The following ITGAV variants were observed in gnomAD, a reference collection of about 807,000 sequenced individuals.
The protein encoded by ITGAV is integrin alpha-V.
ITGAV carries 76 observed loss-of-function variants against 143.8 expected under a neutral mutation model. That is an observed-to-expected ratio of 0.53 (90% CI 0.44 to 0.64). The LOEUF is 0.64. Ranked by LOEUF, ITGAV falls within the 30% of genes least tolerant of loss-of-function variation. The pLI, the probability that ITGAV is intolerant of heterozygous loss-of-function variation, is 0.00. For missense variants in ITGAV, 1,193 were observed against 1,274.7 expected, an observed-to-expected ratio of 0.94 and a Z score of 0.98; for synonymous variants, 453 against 446.7, an observed-to-expected ratio of 1.01 and a Z score of -0.18.
At position 186,666,720 on chromosome 2, in the gene ITGAV, G is replaced by T; in HGVS notation, c.2183G>T (p.Arg728Leu). 6.3e-7 allele frequency: 1 copy of T among 1,576,020 alleles called. No homozygotes were observed. Among genetic ancestry groups the T allele is most frequent in the Non-Finnish European group, 8.6e-7 (1 of 1,164,410 alleles). ...KAGTQLLAGL[R>L]FSVHQQSEMD... is the part of the protein sequence containing the mutation. ...CTCCTTTAGCTCTTAGCTGGTCTTC[G>T]TTTCAGTGTGCACCAGCAGTCAGAG... The change falls in exon 22 of 30, where the codon CGT becomes CTT. Residue 728 changes from arginine (R) to leucine (L), a missense_variant. Transcript: ENST00000261023.
At chr2:186,663,075 G>T (rs185384769) in intron 18 of ITGAV, among the ~76,000 whole-genome samples, 1 of 151,830 alleles carries the variant, frequency 6.6e-6, no homozygotes, top group Non-Finnish European at 1.5e-5. Flanking sequence ...TCTCTTTTGG[G>T]TGTTTCCATT....
chr2:186,616,555 G>A (rs1427730560), intron 2 of ITGAV, among the ~76,000 whole-genome samples: 1 of 152,008 alleles, frequency 6.6e-6, no homozygotes, highest in African/African-American at 2.4e-5. Context: ...TGGGATTACA[G>A]GCGCGAGCCA....
At chr2:186,596,858 T>C (rs913454530) in intron 1 of ITGAV, among the ~76,000 whole-genome samples, 3 of 152,242 alleles carry the variant, frequency 2.0e-5, no homozygotes, top group Admixed American at 6.5e-5. Context: ...ATTGTTCTCT[T>C]TAAAAAACTT....
intron 26 of ITGAV, among the ~76,000 whole-genome samples, chr2:186,671,440 C>G (rs1255012802): frequency 6.6e-6 from 1 of 152,216 alleles, no homozygotes; most frequent in South Asian, 2.1e-4. Flanking sequence ...GCCTGGAATT[C>G]TTTGTCCAGA....
intron 6 of ITGAV, among the ~76,000 whole-genome samples, chr2:186,634,505 G>A (rs1687901518): frequency 6.6e-6 from 1 of 152,092 alleles, no homozygotes; most frequent in African/African-American, 2.4e-5. Context: ...GCTAAAGAAA[G>A]AGATTTGCTG....
chr2:186,656,424 C>A, intron 17 of ITGAV, 23 bp downstream of exon 17: 2 of 1,433,772 alleles, frequency 1.4e-6, no homozygotes, highest in Non-Finnish European at 1.8e-6. Context: ...TTTTCTGCTA[C>A]CTTGTTGTTC....
intron 1 of ITGAV, among the ~76,000 whole-genome samples, chr2:186,592,360 A>G (rs907235643): frequency 6.6e-6 from 1 of 152,174 alleles, no homozygotes; most frequent in African/African-American, 2.4e-5. Flanking sequence ...GATTGCTTGG[A>G]AAGTTGAGGT....
rs1436647985 is a variant in ITGAV, at chr2:186,633,435, T to C, written c.631+61T>C. The C allele has an allele frequency of 3.1e-5, 28 of 907,066 alleles. 1 individual carries two copies. In the Admixed American group the frequency reaches 5.3e-4, roughly 17 times the overall value. 56.2% of individuals were successfully genotyped at this position (907,066 alleles called of 1,614,324 possible). ...ATGTGTCGCTGATTCACCTGGCTAA[T>C]TGTATGCCTATGACATTTTACAAAT... On this transcript the variant is annotated intron_variant, in intron 6 of 29. Transcript: ENST00000261023.
intron 1 of ITGAV, among the ~76,000 whole-genome samples, chr2:186,592,074 A>G (rs2105641555): frequency 6.6e-6 from 1 of 152,318 alleles, no homozygotes; most frequent in Admixed American, 6.5e-5. Flanking sequence ...CAAGGGTTCA[A>G]TGTGAGATAT....
chr2:186,633,030 C>CA (rs1440273915), intron 5 of ITGAV, among the ~76,000 whole-genome samples: 3 of 149,800 alleles, frequency 2.0e-5, no homozygotes, highest in Admixed American at 6.7e-5. Context: ...CATAGACAGA[C>CA]AGACAGATAG....
chr2:186,605,986 T>C (rs1342853847), intron 2 of ITGAV, among the ~76,000 whole-genome samples: 1 of 151,868 alleles, frequency 6.6e-6, no homozygotes, highest in African/African-American at 2.4e-5. Flanking sequence ...TAAGACTTCA[T>C]TTTTTTACAT....
rs59394534 is a variant in ITGAV, at chr2:186,657,953, G to GA, written c.1720-1075dup. Among the ~76,000 whole-genome samples, 37 of 150,418 alleles carry GA rather than the reference G, an allele frequency of 2.5e-4. 1 individual carries two copies. Among genetic ancestry groups the GA allele is most frequent in the Admixed American group, 7.3e-4 (11 of 15,140 alleles). ...CTCAATTTTAAATAGCTCTTTGAAA[G>GA]AAAAAAAAAACCAAAATATTTCAAA... On this transcript the variant is annotated intron_variant, in intron 17 of 29. Coordinates refer to ENST00000261023, the MANE Select transcript of ITGAV (RefSeq NM_002210.5).
At chr2:186,594,116 G>A (rs1453814393) in intron 1 of ITGAV, among the ~76,000 whole-genome samples, 2 of 152,152 alleles carry the variant, frequency 1.3e-5, no homozygotes, top group African/African-American at 4.8e-5. Context: ...TATCTGGAAA[G>A]CCTTTTAAAT....
intron 2 of ITGAV, among the ~76,000 whole-genome samples, chr2:186,613,539 G>T (rs543159022): frequency 4.5e-4 from 69 of 152,088 alleles, no homozygotes; most frequent in African/African-American, 1.6e-3. Flanking sequence ...TAACACTTTT[G>T]CATGTCCATG....
chr2:186,596,281 G>A (rs762222556), intron 1 of ITGAV, among the ~76,000 whole-genome samples: 1 of 152,150 alleles, frequency 6.6e-6, no homozygotes, highest in Admixed American at 6.5e-5. Flanking sequence ...ATTCCAAACT[G>A]TTTCCATTAG....
At chr2:186,661,251 G>A (rs1438600473) in intron 18 of ITGAV, among the ~76,000 whole-genome samples, 1 of 151,882 alleles carries the variant, frequency 6.6e-6, no homozygotes, top group Non-Finnish European at 1.5e-5. Flanking sequence ...TTTGTATTTA[G>A]AATCCATGTA....
intron 17 of ITGAV, among the ~76,000 whole-genome samples, chr2:186,657,467 G>A (rs1483887134): frequency 6.6e-6 from 1 of 152,174 alleles, no homozygotes; most frequent in African/African-American, 2.4e-5. Context: ...GAATTGGGAA[G>A]TGTGATTTTT....
chr2:186,664,385 A>G (rs1416979986), intron 19 of ITGAV, 109 bp from the exon 20 acceptor site: 1 of 1,024,552 alleles, frequency 9.8e-7, no homozygotes, highest in Non-Finnish European at 1.4e-6. Flanking sequence ...ACCTTGAGAC[A>G]CTGTTGAACA....
At position 186,610,772 on chromosome 2, in the gene ITGAV, A is replaced by G. The variant is rs558512277; in HGVS notation, c.316+8621A>G. Among the ~76,000 whole-genome samples the G allele has an allele frequency of 2.6e-5, 4 of 152,296 alleles. No individual in the cohort carries two copies. In the East Asian group the frequency reaches 7.7e-4, roughly 29 times the overall value. On this transcript the variant is annotated intron_variant, in intron 2 of 29. Transcript: ENST00000261023. ...TGATAGGTAGAAAACTCACAAGTGG[A>G]TGATTTAGTTTAGGGATTAATGATC...
Sources: gnomAD v4.1 joint callset for allele counts (sites outside exome capture counted in the v4.1 genomes callset) on GRCh38, gnomAD v4.1.1 for gene constraint, MANE v1.5 for transcripts, NCBI Gene and HGNC (gene_info 2026-07-23, HGNC 2026-07-21) for gene names.